Variants in SLC12A7 observed in about 807,000 individuals in gnomAD.
The protein encoded by SLC12A7 is K-Cl cotransporter 4.
In SLC12A7, 100 loss-of-function variants were observed where a neutral mutation model predicts 120.6. That is an observed-to-expected ratio of 0.83 (90% CI 0.71 to 0.98). SLC12A7 has a LOEUF of 0.98. Ranked by LOEUF, SLC12A7 falls within the 50% of genes least tolerant of loss-of-function variation. SLC12A7 has a pLI of 0.00. For synonymous variants in SLC12A7, 760 were observed against 678.0 expected (o/e 1.12, Z -1.88); for missense variants, 1,373 against 1,548.1 (o/e 0.89, Z 1.90).
chr5:1,151,392 C>A, the SLC12A7 span, among the ~76,000 whole-genome samples: 6 of 152,228 alleles, frequency 3.9e-5, no homozygotes, highest in African/African-American at 7.2e-5. The surrounding 1 kb of genome is among the most constrained non-coding windows in gnomAD (Gnocchi z 6.2). Flanking sequence ...CTGGCGTCTG[C>A]AGGGGCCCGG....
chr5:1,075,081 G>C (rs896825406), intron 15 of SLC12A7, among the ~76,000 whole-genome samples: 1 of 152,190 alleles, frequency 6.6e-6, no homozygotes, highest in Admixed American at 6.5e-5. Flanking sequence ...CGCGAGACAC[G>C]TAGCAGGAAT....
At chr5:1,092,667 G>C (rs989367636) in intron 3 of SLC12A7, among the ~76,000 whole-genome samples, 2 of 152,202 alleles carry the variant, frequency 1.3e-5, no homozygotes, top group African/African-American at 2.4e-5. Context: ...GTCAAGACTG[G>C]GGGAGGCCGT....
intron 17 of SLC12A7, among the ~76,000 whole-genome samples, chr5:1,067,860 C>CGGGGACCCTGTTATCACAAGTCAGCACT (rs1554013702): frequency 7.5e-4 from 101 of 134,612 alleles, no homozygotes; most frequent in Admixed American, 4.2e-3. Flanking sequence ...AAGTCAGCAC[C>CGGGGACCCTGTTATCACAAGTCAGCACT]GTGTCGGGGA....
In SLC12A7 at chr5:1,097,086, G is replaced by A. The variant is rs1340898410; in HGVS notation, c.125-2838C>T. 2.0e-5 allele frequency among the ~76,000 whole-genome samples: 3 copies of A among 152,194 alleles called. No individual in the cohort carries two copies. In the East Asian group the frequency reaches 5.8e-4, roughly 29 times the overall value. ...CAGCCCTGCCTGCCCTTCTCCACCA[G>A]GAGTGCAGCTTGGGGCTCCGCTGCC... On this transcript the variant is annotated intron_variant, in intron 1 of 23. Coordinates refer to ENST00000264930, the MANE Select transcript of SLC12A7 (RefSeq NM_006598.3).
chr5:1,058,995 T>C (rs1735912784), intron 21 of SLC12A7, among the ~76,000 whole-genome samples: 1 of 152,188 alleles, frequency 6.6e-6, no homozygotes, highest in South Asian at 2.1e-4. Flanking sequence ...CGGTCAGCAT[T>C]TGCTGACTCT....
At chr5:1,062,296 G>A (rs1167897984) in intron 20 of SLC12A7, among the ~76,000 whole-genome samples, 4 of 152,188 alleles carry the variant, frequency 2.6e-5, no homozygotes, top group South Asian at 2.1e-4. Flanking sequence ...TTTACTAAGC[G>A]GTTTTATGAC....
chr5:1,077,760 G>A (rs2150837249), intron 12 of SLC12A7, 73 bp downstream of exon 12: 11 of 1,428,842 alleles, frequency 7.7e-6, no homozygotes, highest in Non-Finnish European at 1.0e-5. Context: ...ACGGCACTGT[G>A]AGGATCCCGC....
chr5:1,085,643 A>G (rs1739770429), intron 6 of SLC12A7, among the ~76,000 whole-genome samples, 170 bp from the exon 7 acceptor site: 1 of 136,902 alleles, frequency 7.3e-6, no homozygotes. Flanking sequence ...CAGGCAAGGG[A>G]CGGAGCCCGC....
intron 17 of SLC12A7, among the ~76,000 whole-genome samples, chr5:1,069,598 G>A (rs1737429086): frequency 1.3e-5 from 2 of 152,212 alleles, no homozygotes; most frequent in African/African-American, 4.8e-5. Context: ...GGGGAAGGAG[G>A]AGGCTCGAGG....
the SLC12A7 span, among the ~76,000 whole-genome samples, chr5:1,128,349 GGCCTC>G: frequency 7.2e-5 from 11 of 152,344 alleles, no homozygotes; most frequent in South Asian, 1.7e-3. Context: ...GGAAACTGGT[GGCCTC>G]GCTCCAGGAA....
chr5:1,123,844 TAAGAG>T, the SLC12A7 span, among the ~76,000 whole-genome samples: 1 of 152,366 alleles, frequency 6.6e-6, no homozygotes, highest in South Asian at 2.1e-4. Flanking sequence ...TTTGTTTCAT[TAAGAG>T]AAGAGAGAAG....
chr5:1,084,513 G>A (rs1045104946), intron 7 of SLC12A7, among the ~76,000 whole-genome samples: 4 of 152,194 alleles, frequency 2.6e-5, no homozygotes, highest in South Asian at 2.1e-4. Context: ...CGCCCCCGAC[G>A]TATAAGCCAG....
At chr5:1,151,906 G>C in the SLC12A7 span, among the ~76,000 whole-genome samples, 1 of 152,182 alleles carries the variant, frequency 6.6e-6, no homozygotes, top group Non-Finnish European at 1.5e-5. The surrounding 1 kb of genome is among the most constrained non-coding windows in gnomAD (Gnocchi z 6.2). Context: ...GCCATGTCCT[G>C]ATAGCTGGAT....
chr5:1,077,756 CTG>C, intron 12 of SLC12A7, 75 bp downstream of exon 12: 1 of 1,406,204 alleles, frequency 7.1e-7, no homozygotes, highest in Non-Finnish European at 9.5e-7. Flanking sequence ...ACACACGGCA[CTG>C]TGAGGATCCC....
At chr5:1,058,093 G>A (rs1164761563) in intron 21 of SLC12A7, among the ~76,000 whole-genome samples, 1 of 152,224 alleles carries the variant, frequency 6.6e-6, no homozygotes, top group African/African-American at 2.4e-5. Flanking sequence ...GAAGCAGGCT[G>A]TGTCTGACCA....
chr5:1,123,703 G>A, the SLC12A7 span, among the ~76,000 whole-genome samples: 1 of 152,232 alleles, frequency 6.6e-6, no homozygotes, highest in African/African-American at 2.4e-5. Flanking sequence ...ACGTGTGTTG[G>A]CCAAGGAGCC....
At chr5:1,094,481 C>T (rs565717174) in intron 1 of SLC12A7, among the ~76,000 whole-genome samples, 1 of 152,310 alleles carries the variant, frequency 6.6e-6, no homozygotes, top group East Asian at 1.9e-4. Flanking sequence ...AGCCCCAATG[C>T]GCAAGCTATC....
At chr5:1,121,481 G>A in the SLC12A7 span, among the ~76,000 whole-genome samples, 7 of 152,226 alleles carry the variant, frequency 4.6e-5, no homozygotes, top group Non-Finnish European at 7.3e-5. Context: ...CCTCTCCGGT[G>A]GAATGCTGCT....
At chr5:1,082,764 C>T (rs1739331920) in intron 8 of SLC12A7, among the ~76,000 whole-genome samples, 1 of 143,612 alleles carries the variant, frequency 7.0e-6, no homozygotes, top group Non-Finnish European at 1.5e-5. Context: ...CCAGGCTTCC[C>T]GTCTTGGGTT....
Sources: gnomAD v4.1 joint callset for allele counts (sites outside exome capture counted in the v4.1 genomes callset) on GRCh38, gnomAD v4.1.1 for gene constraint, Gnocchi (gnomAD v3.1) non-coding constraint, MANE v1.5 for transcripts, NCBI Gene and HGNC (gene_info 2026-07-23, HGNC 2026-07-21) for gene names.